Variants in HDLBP observed in about 807,000 individuals in gnomAD.
HDLBP encodes the protein high density lipoprotein binding protein.
Under a neutral mutation model 137.3 loss-of-function variants are expected in HDLBP, and 30 were observed. The ratio of observed to expected loss-of-function variants is 0.22; its 90% CI spans 0.16 to 0.30. The LOEUF is 0.30. Ranked by LOEUF, HDLBP falls within the 10% of genes least tolerant of loss-of-function variation. The pLI, the probability that HDLBP is intolerant of heterozygous loss-of-function variation, is 1.00. For missense variants in HDLBP, 1,119 were observed against 1,667.3 expected (o/e 0.67, Z 5.73); for synonymous variants, 606 against 596.0 (o/e 1.02, Z -0.24).
At position 241,233,928 on chromosome 2, in the gene HDLBP, G is replaced by A. The variant is rs759936329; in HGVS notation, c.3180C>T (p.Asp1060=). Residue 1060 remains aspartate (D), a synonymous_variant, in exon 24 of 28, where the codon GAC becomes GAT. Transcript: ENST00000310931. This position sits in a 1 kb window ranked among gnomAD's most constrained non-coding sequence, Gnocchi z 4.3. ...LRSFKLSVTV[D]PKYHPKIIGR... ...CGATAATCTTGGGATGGTATTTGGG[G>A]TCTACAGTGACACTCAGCTTAAAAC... 20 of 1,614,004 alleles carry A rather than the reference G, an allele frequency of 1.2e-5. No individual in the cohort carries two copies. The East Asian group carries it at 4.0e-4, about 32-fold the overall frequency.
chr2:241,252,416 T>C (rs772069380), intron 11 of HDLBP, among the ~76,000 whole-genome samples: 17 of 152,058 alleles, frequency 1.1e-4, no homozygotes, highest in Non-Finnish European at 1.3e-4. Flanking sequence ...GCTGGAGAAT[T>C]GCTTGAGCCC....
intron 1 of HDLBP, among the ~76,000 whole-genome samples, chr2:241,299,504 T>TC (rs2075313440): frequency 1.2e-4 from 3 of 24,594 alleles, no homozygotes; most frequent in African/African-American, 5.5e-4. Flanking sequence ...TGGCTCCGTC[T>TC]CAAAAAAAAA....
chr2:241,262,827 C>A lies in HDLBP; in HGVS notation c.334G>T (p.Gly112Cys). ...KICLEIMQRT[G>C]AHLELSLAKD... ...GCCAAAGACAGCTCCAAGTGAGCAC[C>A]AGTTCTCTGCATGATCTCAAGGCAG... The change falls in exon 5 of 28, where the codon GGT becomes TGT. Residue 112 changes from glycine to cysteine, a missense_variant. This residue lies in a region of HDLBP where 17 missense variants were observed against 64.3 expected (regional missense o/e 0.26). Transcript: ENST00000310931. 1 of 1,614,182 alleles carries A rather than the reference C, an allele frequency of 6.2e-7. No homozygotes were observed. The highest frequency in any genetic ancestry group is 8.5e-7 in the Non-Finnish European group (1 of 1,180,008).
chr2:241,247,042 G>A lies in HDLBP; in HGVS notation c.1818+14C>T, dbSNP rs773081073. ...AAGGCAAGAAGAAGCAAGATGCAGCGGACAAGTTATCACCTTTTTAATGTT... is the reference window on the plus strand; with the variant it reads ...AAGGCAAGAAGAAGCAAGATGCAGCAGACAAGTTATCACCTTTTTAATGTT... On this transcript the variant is annotated intron_variant, in intron 15 of 27. Coordinates refer to ENST00000310931, the MANE Select transcript of HDLBP (RefSeq NM_005336.6). 1.6e-5 allele frequency: 25 copies of A among 1,600,770 alleles called. No individual in the cohort carries two copies. The highest frequency in any genetic ancestry group is 1.3e-4 in the Admixed American group (8 of 59,980).
intron 1 of HDLBP, among the ~76,000 whole-genome samples, chr2:241,282,603 G>C (rs2149622320): frequency 6.6e-6 from 1 of 152,290 alleles, no homozygotes; most frequent in Admixed American, 6.5e-5. Context: ...GTCTTTCCAT[G>C]CCTCTTTTCC....
At chr2:241,279,841 T>C (rs1575012482) in intron 1 of HDLBP, 3 of 878,426 alleles carry the variant, frequency 3.4e-6, no homozygotes, top group East Asian at 1.2e-4. Context: ...CTGCTAGTAA[T>C]AGTCAACAAA....
chr2:241,272,224 TCTGCGCCC>T lies in HDLBP; in HGVS notation c.-102-3691_-102-3684del. 3.1e-6 allele frequency: 3 copies of T among 977,622 alleles called. No homozygotes were observed. In the South Asian group the frequency reaches 1.4e-4, roughly 46 times the overall value. 60.6% of individuals were successfully genotyped at this position (977,622 alleles called of 1,614,324 possible). A position where few individuals can be genotyped will look rare whatever the true frequency, so the allele number is the denominator to read the frequency against. On this transcript the variant is annotated intron_variant, in intron 1 of 27. Transcript: ENST00000310931. This position sits in a 1 kb window ranked among gnomAD's most constrained non-coding sequence, Gnocchi z 5.6. ...GTGCTGCGGGGGCCCCGCCGCCCGGTCTGCGCCCAGACCCCCGCCCCGCCGCCACCTGG... is the reference window on the plus strand; with the variant it reads ...GTGCTGCGGGGGCCCCGCCGCCCGGTAGACCCCCGCCCCGCCGCCACCTGG...
intron 11 of HDLBP, chr2:241,250,268 G>A (rs372383877): frequency 7.2e-6 from 2 of 278,890 alleles, no homozygotes; most frequent in South Asian, 2.0e-4. Context: ...ACTCAGTCTG[G>A]GATTTAGCTC....
In HDLBP at chr2:241,272,906, C is replaced by T. The variant is rs1001374095; in HGVS notation, c.-102-4365G>A. 15 of 603,668 alleles carry T rather than the reference C, an allele frequency of 2.5e-5. No homozygotes were observed. The highest frequency in any genetic ancestry group is 3.1e-5 in the Non-Finnish European group (15 of 481,220). 37.4% of individuals were successfully genotyped at this position (603,668 alleles called of 1,614,324 possible). A position where few individuals can be genotyped will look rare whatever the true frequency, so the allele number is the denominator to read the frequency against. ...CCGCCTGGACACGTCAGCGCCCGCC[C>T]GCCCCGCCGCTGGGGTCCCCGCCGC... On this transcript the variant is annotated intron_variant, in intron 1 of 27. Coordinates refer to ENST00000310931, the MANE Select transcript of HDLBP (RefSeq NM_005336.6). This position sits in a 1 kb window ranked among gnomAD's most constrained non-coding sequence, Gnocchi z 5.6.
intron 4 of HDLBP, among the ~76,000 whole-genome samples, chr2:241,263,719 C>T (rs937460092): frequency 5.9e-5 from 9 of 152,136 alleles, no homozygotes; most frequent in Admixed American, 5.2e-4. Context: ...ACTAACATCT[C>T]AAATTCAGGT....
At chr2:241,291,363 C>A (rs548372384) in intron 1 of HDLBP, among the ~76,000 whole-genome samples, 1 of 152,222 alleles carries the variant, frequency 6.6e-6, no homozygotes, top group Non-Finnish European at 1.5e-5. Flanking sequence ...GGAGCAGTCA[C>A]AAACCAAGGA....
intron 1 of HDLBP, among the ~76,000 whole-genome samples, chr2:241,298,591 T>C (rs1291825379): frequency 1.3e-5 from 2 of 152,204 alleles, no homozygotes; most frequent in African/African-American, 4.8e-5. Context: ...AAAGTTTGAT[T>C]TTATTTCAAA....
rs902305944 is a variant in HDLBP at position 241,239,485 on chromosome 2, C to T, written c.2610+117G>A. The stretch of plus-strand genomic sequence containing the variant: ...AGCACCAGAAAGCCCCTTCTGAAGC[C>T]TTCCAGGGCTGTATGAGGGAGTCAC... On this transcript the variant is annotated intron_variant, in intron 19 of 27. Coordinates refer to ENST00000310931, the MANE Select transcript of HDLBP (RefSeq NM_005336.6). The surrounding 1 kb of genome is among the most constrained non-coding windows in gnomAD (Gnocchi z 4.6). The T allele has an allele frequency of 1.0e-5, 8 of 795,614 alleles. No individual in the cohort carries two copies. The highest frequency in any genetic ancestry group is 6.8e-5 in the Admixed American group (3 of 44,108). The allele number at this position is 795,614 out of a possible 1,614,324, so 49.3% of individuals were successfully genotyped here. A position where few individuals can be genotyped will look rare whatever the true frequency, so the allele number is the denominator to read the frequency against.
At chr2:241,235,709 G>A in intron 21 of HDLBP, 115 bp from the exon 22 acceptor site, 2 of 678,226 alleles carry the variant, frequency 2.9e-6, no homozygotes, top group East Asian at 2.6e-5. Flanking sequence ...CAACAGCAAT[G>A]TGCCCCACCC....
intron 1 of HDLBP, among the ~76,000 whole-genome samples, chr2:241,307,451 G>A (rs1011570962): frequency 1.6e-4 from 25 of 152,286 alleles, no homozygotes; most frequent in African/African-American, 5.5e-4. Flanking sequence ...GGGGCTACAC[G>A]AATAATGGTT....
At chr2:241,277,180 A>T (rs2074420423) in intron 1 of HDLBP, among the ~76,000 whole-genome samples, 1 of 152,122 alleles carries the variant, frequency 6.6e-6, no homozygotes, top group Non-Finnish European at 1.5e-5. Flanking sequence ...TATATATCCC[A>T]CCTTGTGGAA....
rs917462366 is a variant in HDLBP, at chr2:241,315,584, T to A, written c.-117A>T. ...ATTCTCATTACCTGTTCCACTCTTA[T>A]AAGCATAAGAAAACCGAGCTCATAA... On this transcript the variant is annotated 5_prime_UTR_variant, in exon 1 of 28. Coordinates refer to ENST00000310931, the MANE Select transcript of HDLBP (RefSeq NM_005336.6). The A allele has an allele frequency of 6.6e-6, 1 of 152,242 alleles. No individual in the cohort carries two copies. Among genetic ancestry groups the A allele is most frequent in the South Asian group, 2.1e-4 (1 of 4,836 alleles). 9.4% of individuals were successfully genotyped at this position (152,242 alleles called of 1,614,324 possible).
chr2:241,272,579 G>T lies in HDLBP; in HGVS notation c.-102-4038C>A. ...GGTCTGGCCCGGAACCGCCACGCGCGGTAAGCAGGACACCCGCGGGCGGGG... is the reference window on the plus strand; with the variant it reads ...GGTCTGGCCCGGAACCGCCACGCGCTGTAAGCAGGACACCCGCGGGCGGGG... On this transcript the variant is annotated intron_variant, in intron 1 of 27. Coordinates refer to ENST00000310931, the MANE Select transcript of HDLBP (RefSeq NM_005336.6). The surrounding 1 kb of genome is among the most constrained non-coding windows in gnomAD (Gnocchi z 5.6). 1.0e-6 allele frequency: 1 copy of T among 984,182 alleles called. No homozygotes were observed. The highest frequency in any genetic ancestry group is 4.7e-5 in the South Asian group (1 of 21,276). The allele number at this position is 984,182 out of a possible 1,614,324, so 61.0% of individuals were successfully genotyped here. A position where few individuals can be genotyped will look rare whatever the true frequency, so the allele number is the denominator to read the frequency against.
intron 1 of HDLBP, among the ~76,000 whole-genome samples, chr2:241,279,145 G>A (rs1364213609): frequency 1.3e-5 from 2 of 152,128 alleles, no homozygotes; most frequent in Admixed American, 6.5e-5. Context: ...GACAGGCCAT[G>A]GTCATCTAAA....
Sources: gnomAD v4.1 joint callset for allele counts (sites outside exome capture counted in the v4.1 genomes callset) on GRCh38, gnomAD v4.1.1 for gene constraint, gnomAD v4.1.1 regional missense constraint, Gnocchi (gnomAD v3.1) non-coding constraint, MANE v1.5 for transcripts, NCBI Gene and HGNC (gene_info 2026-07-23, HGNC 2026-07-21) for gene names.